Variants in PPP2R1A observed in about 807,000 individuals in gnomAD.
The protein encoded by PPP2R1A is serine/threonine-protein phosphatase 2A 65 kDa regulatory subunit A alpha isoform.
A neutral mutation model predicts 67.1 loss-of-function variants in PPP2R1A; 15 were observed. That is an observed-to-expected ratio of 0.22 (90% confidence interval 0.15 to 0.34). The LOEUF is 0.34. Among genes scored for constraint, PPP2R1A ranks in the 10% least tolerant of loss-of-function variants. The pLI is 1.00. For synonymous variants in PPP2R1A, 337 were observed against 325.0 expected, an observed-to-expected ratio of 1.04 and a Z score of -0.40; for missense variants, 369 against 775.0, an observed-to-expected ratio of 0.48 and a Z score of 6.22.
intron 1 of PPP2R1A, chr19:52,190,414 G>C (rs988948257): frequency 5.2e-6 from 3 of 575,928 alleles, no homozygotes; most frequent in African/African-American, 1.9e-5. Context: ...TGCCCTGTGC[G>C]CGCGGCGGTC....
Position 52,225,826 on chromosome 19 carries a change from C to T in PPP2R1A, c.1753+18C>T, listed in dbSNP as rs771271451. On this transcript the variant is annotated intron_variant, in intron 14 of 14. Transcript: ENST00000322088. ...TCTGACTGGTAAGACCTAGAAAGCA[C>T]GGAGCCCTAGCAGGAGGGTGGACTT... is the stretch of plus-strand genomic sequence containing the variant. 2.1e-5 allele frequency: 34 copies of T among 1,612,680 alleles called. No individual in the cohort carries two copies. Among genetic ancestry groups the T allele is most frequent in the Non-Finnish European group, 2.3e-5 (27 of 1,178,794 alleles).
rs1430789109 is a variant in PPP2R1A at position 52,201,949 on chromosome 19, C to T, written c.84C>T (p.Arg28=). Residue 28 remains arginine (R), a synonymous_variant, in exon 2 of 15, where the codon CGC becomes CGT. Coordinates refer to ENST00000322088, the MANE Select transcript of PPP2R1A (RefSeq NM_014225.6). Reference sequence around the variant, plus strand: ...TCTTCTTGTTCTCTCATTAGCTTCGCCTCAACAGCATCAAGAAGCTGTCCA... The same window carrying T: ...TCTTCTTGTTCTCTCATTAGCTTCGTCTCAACAGCATCAAGAAGCTGTCCA... ...DELRNEDVQL[R]LNSIKKLSTI... is the part of the protein sequence containing the mutation. 6.2e-7 allele frequency: 1 copy of T among 1,614,042 alleles called. No homozygotes were observed. The highest frequency in any genetic ancestry group is 1.7e-5 in the Admixed American group (1 of 60,022).
In PPP2R1A at chr19:52,227,851, C is replaced by T. The variant is rs1979351767; in HGVS notation, c.*1870C>T. 1 of 152,178 alleles carries T rather than the reference C, an allele frequency of 6.6e-6. No individual in the cohort carries two copies. Among genetic ancestry groups the T allele is most frequent in the South Asian group, 2.1e-4 (1 of 4,828 alleles). The allele number at this position is 152,178 out of a possible 1,614,324, so 9.4% of individuals were successfully genotyped here. A position where few individuals can be genotyped will look rare whatever the true frequency, so the allele number is the denominator to read the frequency against. On this transcript the variant is annotated 3_prime_UTR_variant, in exon 15 of 15. Coordinates refer to ENST00000322088, the MANE Select transcript of PPP2R1A (RefSeq NM_014225.6). The stretch of plus-strand genomic sequence containing the variant: ...TCTGACATTAAACTTTGACTTTCCC[C>T]ATGGTTAACGCTGCTGGTCCATTGT...
Position 52,225,511 on chromosome 19 carries a change from G to A in PPP2R1A, c.1662-206G>A, listed in dbSNP as rs113447231. On this transcript the variant is annotated intron_variant, in intron 13 of 14. Coordinates refer to ENST00000322088, the MANE Select transcript of PPP2R1A (RefSeq NM_014225.6). Reference sequence around the variant, plus strand: ...ATAGCTGTTTTGAAATATGCAAAATGTTATTATTAACTATGGTCACCCGCC... The same window carrying A: ...ATAGCTGTTTTGAAATATGCAAAATATTATTATTAACTATGGTCACCCGCC... Among the ~76,000 whole-genome samples, 932 of 152,240 alleles carry A rather than the reference G, an allele frequency of 6.1e-3. 9 individuals are homozygous for A. The highest frequency in any genetic ancestry group is 0.021 in the African/African-American group (872 of 41,546).
chr19:52,203,122 A>G (rs960204639), intron 2 of PPP2R1A, among the ~76,000 whole-genome samples: 1 of 152,222 alleles, frequency 6.6e-6, no homozygotes, highest in Non-Finnish European at 1.5e-5. Flanking sequence ...GGACCTAGTG[A>G]TGATCCTGGG....
chr19:52,202,441 G>C (rs1357951554), intron 2 of PPP2R1A, among the ~76,000 whole-genome samples: 2 of 152,254 alleles, frequency 1.3e-5, no homozygotes, highest in South Asian at 4.1e-4. Context: ...GCCAGGTGGT[G>C]TTCTACACCG....
Position 52,216,706 on chromosome 19 carries a change from A to AGGC in PPP2R1A, c.1128+46_1128+48dup. 1 of 1,613,768 alleles carries AGGC rather than the reference A, an allele frequency of 6.2e-7. No homozygotes were observed. Among genetic ancestry groups the AGGC allele is most frequent in the Non-Finnish European group, 8.5e-7 (1 of 1,179,776 alleles). On this transcript the variant is annotated intron_variant, in intron 9 of 14. Coordinates refer to ENST00000322088, the MANE Select transcript of PPP2R1A (RefSeq NM_014225.6). The surrounding 1 kb of genome is among the most constrained non-coding windows in gnomAD (Gnocchi z 4.3). ...TCAGCTCTGGGTTTGTGGAGGGGAC[A>AGGC]GGCGGGTCTTCCTAGATTGCTAGGG...
chr19:52,206,156 C>A, intron 3 of PPP2R1A, 93 bp downstream of exon 3: 2 of 1,130,754 alleles, frequency 1.8e-6, no homozygotes, highest in Non-Finnish European at 2.6e-6. Flanking sequence ...TGTCAGAGAG[C>A]GTGGGGATCA....
intron 1 of PPP2R1A, among the ~76,000 whole-genome samples, chr19:52,196,883 A>G (rs767055683): frequency 6.6e-6 from 1 of 152,220 alleles, no homozygotes; most frequent in Non-Finnish European, 1.5e-5. Context: ...AGGAGGGAAG[A>G]TAAGTGTGAC....
chr19:52,190,217 C>T (rs2089439263), intron 1 of PPP2R1A, 43 bp downstream of exon 1: 1 of 1,539,084 alleles, frequency 6.5e-7, no homozygotes, highest in South Asian at 1.2e-5. Flanking sequence ...CGGAGGGGTA[C>T]CTGGGGGCAC....
chr19:52,212,618 CAG>C lies in PPP2R1A; in HGVS notation c.504-65_504-64del. On this transcript the variant is annotated intron_variant, in intron 4 of 14. Transcript: ENST00000322088. The surrounding 1 kb of genome is among the most constrained non-coding windows in gnomAD (Gnocchi z 4.1). ...GCTAAAACCTGGACCCACACAACTG[CAG>C]AGTCTGTGCTTGCTCCTCTCTGCCA... 2.4e-5 allele frequency: 37 copies of C among 1,570,034 alleles called. No homozygotes were observed. In the South Asian group the frequency reaches 3.7e-4, roughly 16 times the overall value.
rs903195247 is a variant in PPP2R1A, at chr19:52,213,897, G to A, written c.807+787G>A. Among the ~76,000 whole-genome samples, 3 of 152,144 alleles carry A rather than the reference G, an allele frequency of 2.0e-5. No homozygotes were observed. Among genetic ancestry groups the A allele is most frequent in the African/African-American group, 4.8e-5 (2 of 41,432 alleles). ...TGCTCCTTCCACAGGGATCCAGATT[G>A]CCTCATCCCACAAACATGTTTGCTG... On this transcript the variant is annotated intron_variant, in intron 6 of 14. Coordinates refer to ENST00000322088, the MANE Select transcript of PPP2R1A (RefSeq NM_014225.6). The surrounding 1 kb of genome is among the most constrained non-coding windows in gnomAD (Gnocchi z 4.2).
Position 52,216,578 on chromosome 19 carries a change from T to G in PPP2R1A, c.1043T>G (p.Val348Gly). Reference sequence around the variant, plus strand: ...CATGTCAAGTCTGCCCTGGCCTCAGTCATCATGGGTCTCTCTCCCATCTTG... The same window carrying G: ...CATGTCAAGTCTGCCCTGGCCTCAGGCATCATGGGTCTCTCTCCCATCTTG... The part of the protein sequence containing the change: ...NQHVKSALAS[V>G]IMGLSPILGK... The change falls in exon 9 of 15, where the codon GTC becomes GGC. Residue 348 changes from valine to glycine, a missense_variant. Val to Gly is a moderately radical substitution (Grantham distance 109). Transcript: ENST00000322088. The surrounding 1 kb of genome is among the most constrained non-coding windows in gnomAD (Gnocchi z 4.3). 1.2e-6 allele frequency: 2 copies of G among 1,614,116 alleles called. No individual in the cohort carries two copies. The highest frequency in any genetic ancestry group is 1.7e-6 in the Non-Finnish European group (2 of 1,180,024).
rs1399426970 is a variant in PPP2R1A at position 52,226,119 on chromosome 19, G to T, written c.*138G>T. Reference sequence around the variant, plus strand: ...ACCCCAGGCCCCTTCCCCCAGCACGGTTCCTCCTCTCCCCAGCCTGGGAAG... The same window carrying T: ...ACCCCAGGCCCCTTCCCCCAGCACGTTTCCTCCTCTCCCCAGCCTGGGAAG... On this transcript the variant is annotated 3_prime_UTR_variant, in exon 15 of 15. Transcript: ENST00000322088. The T allele has an allele frequency of 7.6e-7, 1 of 1,323,054 alleles. No individual in the cohort carries two copies. Among genetic ancestry groups the T allele is most frequent in the African/African-American group, 1.5e-5 (1 of 68,548 alleles). 82.0% of individuals were successfully genotyped at this position (1,323,054 alleles called of 1,614,324 possible). A position where few individuals can be genotyped will look rare whatever the true frequency, so the allele number is the denominator to read the frequency against.
chr19:52,190,358 C>A, intron 1 of PPP2R1A, 184 bp downstream of exon 1: 1 of 693,004 alleles, frequency 1.4e-6, no homozygotes, highest in Non-Finnish European at 2.5e-6. Context: ...TGGGTGTCGG[C>A]CCAGTGGAGG....
chr19:52,210,468 AC>A (rs2089653951), intron 3 of PPP2R1A, among the ~76,000 whole-genome samples: 1 of 145,546 alleles, frequency 6.9e-6, no homozygotes, highest in Non-Finnish European at 1.5e-5. Flanking sequence ...GCCAGGCTGT[AC>A]CTCAGTTTTC....
Position 52,216,463 on chromosome 19 carries a change from T to C in PPP2R1A, c.994-66T>C, listed in dbSNP as rs1978581077. 1.9e-6 allele frequency: 3 copies of C among 1,592,934 alleles called. No individual in the cohort carries two copies. The highest frequency in any genetic ancestry group is 2.2e-5 in the South Asian group (2 of 90,282). Reference sequence around the variant, plus strand: ...GGTTATTGTCTCTTAGGAGTTGGCATCTGCTTAGCCACTTGCTGCTGCAGG... The same window carrying C: ...GGTTATTGTCTCTTAGGAGTTGGCACCTGCTTAGCCACTTGCTGCTGCAGG... On this transcript the variant is annotated intron_variant, in intron 8 of 14. Coordinates refer to ENST00000322088, the MANE Select transcript of PPP2R1A (RefSeq NM_014225.6). The surrounding 1 kb of genome is among the most constrained non-coding windows in gnomAD (Gnocchi z 4.3).
At chr19:52,198,259 C>T (rs2122290263) in intron 1 of PPP2R1A, among the ~76,000 whole-genome samples, 1 of 152,290 alleles carries the variant, frequency 6.6e-6, no homozygotes, top group East Asian at 1.9e-4. Context: ...TGTAGTACCA[C>T]CCTAGGCCAT....
chr19:52,204,056 G>C (rs1179368862), intron 2 of PPP2R1A, among the ~76,000 whole-genome samples: 1 of 152,176 alleles, frequency 6.6e-6, no homozygotes, highest in Non-Finnish European at 1.5e-5. Flanking sequence ...TTTTATGGAA[G>C]CTTAATGGCA....
Sources: gnomAD v4.1 joint callset for allele counts (sites outside exome capture counted in the v4.1 genomes callset) on GRCh38, gnomAD v4.1.1 for gene constraint, Gnocchi (gnomAD v3.1) non-coding constraint, MANE v1.5 for transcripts, NCBI Gene and HGNC (gene_info 2026-07-23, HGNC 2026-07-21) for gene names.